Variants in CBLN3 observed in about 807,000 individuals in gnomAD.
The protein encoded by CBLN3 is cerebellin-3.
Under a neutral mutation model 17.4 loss-of-function variants are expected in CBLN3, and 14 were observed. That is an observed-to-expected ratio of 0.81 (90% CI 0.53 to 1.26). CBLN3 has a LOEUF of 1.26. Ranked by LOEUF, CBLN3 falls within the 50% of genes most tolerant of loss-of-function variation. The probability of loss-of-function intolerance (pLI) is 0.00; values close to 1 mark genes in which losing one functional copy is unlikely to be tolerated. For missense variants in CBLN3, 263 were observed against 268.5 expected, an observed-to-expected ratio of 0.98 and a Z score of 0.14; for synonymous variants, 129 against 117.4, an observed-to-expected ratio of 1.10 and a Z score of -0.64.
In CBLN3 at chr14:24,427,785, G is replaced by A. The variant is rs2043034405; in HGVS notation, c.*4C>T. ...GGATTCTTGTGCTTGAAAGACTTGG[G>A]TCCTCAGAGAGGGAAGATGAGGAAG... On this transcript the variant is annotated 3_prime_UTR_variant, in exon 3 of 3. Transcript: ENST00000267406. The surrounding 1 kb of genome is among the most constrained non-coding windows in gnomAD (Gnocchi z 4.4). The A allele has an allele frequency of 1.9e-6, 3 of 1,613,440 alleles. No individual in the cohort carries two copies. The highest frequency in any genetic ancestry group is 2.5e-6 in the Non-Finnish European group (3 of 1,179,396).
At position 24,429,215 on chromosome 14, in the gene CBLN3, C is replaced by T; in HGVS notation, c.-161G>A. The T allele has an allele frequency of 1.4e-6, 1 of 725,646 alleles. No homozygotes were observed. The highest frequency in any genetic ancestry group is 2.8e-5 in the Admixed American group (1 of 36,124). 45.0% of individuals were successfully genotyped at this position (725,646 alleles called of 1,614,324 possible). A position where few individuals can be genotyped will look rare whatever the true frequency, so the allele number is the denominator to read the frequency against. ...TGTGTCCCAGCTCTGTCCTGCCTCC[C>T]ACTCTTACTCCTGCTGTCACTGCAG... On this transcript the variant is annotated 5_prime_UTR_variant, in exon 1 of 3. Transcript: ENST00000267406.
rs1480058531 is a variant in CBLN3, at chr14:24,428,293, G to A, written c.413C>T (p.Thr138Ile). The A allele has an allele frequency of 6.2e-7, 1 of 1,613,874 alleles. No homozygotes were observed. Among genetic ancestry groups the A allele is most frequent in the Admixed American group, 1.7e-5 (1 of 60,026 alleles). The change falls in exon 2 of 3, where the codon ACT becomes ATT. Residue 138 changes from threonine to isoleucine, a missense_variant. By Grantham distance (89) the Thr-to-Ile change is moderately conservative (BLOSUM62 -1). Coordinates refer to ENST00000267406, the MANE Select transcript of CBLN3 (RefSeq NM_001039771.3). ...GGCCAGTGCTGAGGTCACCTGGACA[G>A]TTTGGCGGTTGTACACCTTCACCAC... ...FHVVKVYNRQ[T>I]VQVSLMLNTW... is the part of the protein sequence containing the mutation.
At position 24,429,009 on chromosome 14, in the gene CBLN3, G is replaced by A; in HGVS notation, c.46C>T (p.Pro16Ser). ...PHWLPGPLHS[P>S]GLPLVLVLLA... ...AGCACCAGAACCAAGGGCAGCCCGG[G>A]ACTGTGTAGGGGACCTGGTAGCCAG... Residue 16 changes from proline (P) to serine (S), a missense_variant, in exon 1 of 3, where the codon CCC becomes TCC. Transcript: ENST00000267406. 6.5e-7 allele frequency: 1 copy of A among 1,546,408 alleles called. No homozygotes were observed. Among genetic ancestry groups the A allele is most frequent in the Non-Finnish European group, 8.7e-7 (1 of 1,144,162 alleles).
intron 1 of CBLN3, 152 bp from the exon 2 acceptor site, chr14:24,428,557 A>C: frequency 8.8e-7 from 1 of 1,131,852 alleles, no homozygotes. Flanking sequence ...AAATGGTGAG[A>C]AGGGGCAAGG....
At position 24,429,577 on chromosome 14, in the gene CBLN3, G is replaced by A. The variant is rs2043066360; in HGVS notation, c.-523C>T. On this transcript the variant is annotated 5_prime_UTR_variant, in exon 1 of 3. Coordinates refer to ENST00000267406, the MANE Select transcript of CBLN3 (RefSeq NM_001039771.3). ...GGAAGAAAGGGGTACTCCACCACGG[G>A]TACCCTCCGCCTCCCGCCTCCCGCC... 1 of 603,788 alleles carries A rather than the reference G, an allele frequency of 1.7e-6. No individual in the cohort carries two copies. Among genetic ancestry groups the A allele is most frequent in the African/African-American group, 2.0e-5 (1 of 49,806 alleles). 37.4% of individuals were successfully genotyped at this position (603,788 alleles called of 1,614,324 possible).
chr14:24,428,790 C>T lies in CBLN3; in HGVS notation c.265G>A (p.Gly89Ser), dbSNP rs199897938. Reference sequence around the variant, plus strand: ...TAGATGGCCCCACTGGTGCCATTGCCGGTTTCCCCTGCTGGCTCATGGTGG... The same window carrying T: ...TAGATGGCCCCACTGGTGCCATTGCTGGTTTCCCCTGCTGGCTCATGGTGG... Reference protein sequence around the residue: ...SHHHEPAGETGNGTSGAIYFD... With the variant: ...SHHHEPAGETSNGTSGAIYFD... Residue 89 changes from glycine (G) to serine (S), a missense_variant, in exon 1 of 3, where the codon GGC becomes AGC. Gly to Ser is a moderately conservative substitution (Grantham distance 56). Transcript: ENST00000267406. 158 of 1,605,934 alleles carry T rather than the reference C, an allele frequency of 9.8e-5. No homozygotes were observed. The Admixed American group carries it at 2.0e-3, about 20-fold the overall frequency.
chr14:24,428,147 C>A, intron 2 of CBLN3, 139 bp downstream of exon 2: 1 of 1,359,144 alleles, frequency 7.4e-7, no homozygotes, highest in Non-Finnish European at 1.0e-6. Flanking sequence ...ACACTCAATG[C>A]AAGGCAGGCC....
At position 24,428,929 on chromosome 14, in the gene CBLN3, C is replaced by T. The variant is rs57646536; in HGVS notation, c.126G>A (p.Glu42=). The change falls in exon 1 of 3, where the codon GAG becomes GAA. Residue 42 remains glutamate (E), a synonymous_variant. Coordinates refer to ENST00000267406, the MANE Select transcript of CBLN3 (RefSeq NM_001039771.3). ...AQEGSEPVLL[E]GECLVVCEPG... ...GCTCACAGACCACCAGGCACTCCCC[C>T]TCCAGCAGGACGGGCTCTGACCCCT... 14,598 of 1,558,952 alleles carry T rather than the reference C, an allele frequency of 9.4e-3. 1,170 individuals carry two copies. In the African/African-American group the frequency reaches 0.17, roughly 18 times the overall value.
At position 24,427,797 on chromosome 14, in the gene CBLN3, G is replaced by A. The variant is rs1171450271; in HGVS notation, c.610C>T (p.Pro204Ser). The change falls in exon 3 of 3, where the codon CCT becomes TCT. Residue 204 changes from proline (P) to serine (S), a missense_variant. Transcript: ENST00000267406. The surrounding 1 kb of genome is among the most constrained non-coding windows in gnomAD (Gnocchi z 4.4). Reference protein sequence around the residue: ...YSSFSGFLIFPL With the variant: ...YSSFSGFLIFSL ...TTGAAAGACTTGGGTCCTCAGAGAG[G>A]GAAGATGAGGAAGCCAGAGAAACTT... 3 of 1,613,858 alleles carry A rather than the reference G, an allele frequency of 1.9e-6. No homozygotes were observed. Among genetic ancestry groups the A allele is most frequent in the Non-Finnish European group, 2.5e-6 (3 of 1,179,888 alleles).
chr14:24,429,448 T>A lies in CBLN3; in HGVS notation c.-394A>T, dbSNP rs771084772. 1 of 502,928 alleles carries A rather than the reference T, an allele frequency of 2.0e-6. No individual in the cohort carries two copies. The highest frequency in any genetic ancestry group is 1.5e-5 in the South Asian group (1 of 64,970). The allele number at this position is 502,928 out of a possible 1,614,324, so 31.2% of individuals were successfully genotyped here. ...GGGTGTGACAGAATGTGTGAGTGTGTGCATATGCCAGAGGCAGCCCCTCAA... is the reference window on the plus strand; with the variant it reads ...GGGTGTGACAGAATGTGTGAGTGTGAGCATATGCCAGAGGCAGCCCCTCAA... On this transcript the variant is annotated 5_prime_UTR_variant, in exon 1 of 3. Transcript: ENST00000267406.
At chr14:24,428,029 G>A in intron 2 of CBLN3, 43 bp from the exon 3 acceptor site, 1 of 1,574,178 alleles carries the variant, frequency 6.4e-7, no homozygotes, top group Non-Finnish European at 8.6e-7. Flanking sequence ...CCAGCCCTTA[G>A]CTCAGGACCC....
Position 24,428,876 on chromosome 14 carries a change from C to T in CBLN3, c.179G>A (p.Gly60Glu), listed in dbSNP as rs772464184. 1 of 1,603,928 alleles carries T rather than the reference C, an allele frequency of 6.2e-7. No individual in the cohort carries two copies. Among genetic ancestry groups the T allele is most frequent in the Admixed American group, 1.7e-5 (1 of 58,456 alleles). ...GGGTGCCTCTCCCAGGGCTGCTCCC[C>T]CGGGCCCCCCTGCAGCAGCTCGGCC... ...EPGRAAAGGP[G>E]GAALGEAPPG... The change falls in exon 1 of 3, where the codon GGG (glycine) becomes GAG (glutamate). Residue 60 changes from glycine (G) to glutamate (E), a missense_variant. Coordinates refer to ENST00000267406, the MANE Select transcript of CBLN3 (RefSeq NM_001039771.3).
chr14:24,429,128 T>A lies in CBLN3; in HGVS notation c.-74A>T. 7.0e-7 allele frequency: 1 copy of A among 1,428,000 alleles called. No homozygotes were observed. The highest frequency in any genetic ancestry group is 9.3e-7 in the Non-Finnish European group (1 of 1,075,944). The allele number at this position is 1,428,000 out of a possible 1,614,324, so 88.5% of individuals were successfully genotyped here. A position where few individuals can be genotyped will look rare whatever the true frequency, so the allele number is the denominator to read the frequency against. On this transcript the variant is annotated 5_prime_UTR_variant, in exon 1 of 3. Coordinates refer to ENST00000267406, the MANE Select transcript of CBLN3 (RefSeq NM_001039771.3). Reference sequence around the variant, plus strand: ...TCTGTTTCCGCTCCTCTCCCTGGATTCTCACCGCCGGCACCCTGATCGTCT... The same window carrying A: ...TCTGTTTCCGCTCCTCTCCCTGGATACTCACCGCCGGCACCCTGATCGTCT...
Position 24,428,801 on chromosome 14 carries a change from G to T in CBLN3, c.254C>A (p.Ala85Glu), listed in dbSNP as rs771464590. The part of the protein sequence containing the change: ...AAVRSHHHEP[A>E]GETGNGTSGA... ...ACTGGTGCCATTGCCGGTTTCCCCT[G>T]CTGGCTCATGGTGGTGGCTTCGGAC... Residue 85 changes from alanine (A) to glutamate (E), a missense_variant, in exon 1 of 3, where the codon GCA (alanine) becomes GAA (glutamate). Coordinates refer to ENST00000267406, the MANE Select transcript of CBLN3 (RefSeq NM_001039771.3). 8.1e-6 allele frequency: 13 copies of T among 1,609,514 alleles called. No homozygotes were observed. Among genetic ancestry groups the T allele is most frequent in the Non-Finnish European group, 1.1e-5 (13 of 1,177,020 alleles).
Position 24,429,413 on chromosome 14 carries a change from T to C in CBLN3, c.-359A>G. ...CTGGGGGGATGGAGAACATGGTATG[T>C]GTGTGTGACGGGTGTGACAGAATGT... On this transcript the variant is annotated 5_prime_UTR_variant, in exon 1 of 3. Transcript: ENST00000267406. 1.8e-6 allele frequency: 1 copy of C among 555,712 alleles called. No individual in the cohort carries two copies. Among genetic ancestry groups the C allele is most frequent in the Non-Finnish European group, 3.4e-6 (1 of 291,962 alleles). The allele number at this position is 555,712 out of a possible 1,614,324, so 34.4% of individuals were successfully genotyped here.
rs1566492895 is a variant in CBLN3 at position 24,427,825 on chromosome 14, G to A, written c.582C>T (p.Tyr194=). Residue 194 remains tyrosine (Y), a synonymous_variant, in exon 3 of 3, where the codon TAC becomes TAT. Coordinates refer to ENST00000267406, the MANE Select transcript of CBLN3 (RefSeq NM_001039771.3). The surrounding 1 kb of genome is among the most constrained non-coding windows in gnomAD (Gnocchi z 4.4). The part of the protein sequence containing the change: ...RRGNLLGGWK[Y]SSFSGFLIFP... Reference sequence around the variant, plus strand: ...AGATGAGGAAGCCAGAGAAACTTGAGTATTTCCAACCACCCAGTAGATTCC... The same window carrying A: ...AGATGAGGAAGCCAGAGAAACTTGAATATTTCCAACCACCCAGTAGATTCC... The A allele has an allele frequency of 1.9e-6, 3 of 1,614,148 alleles. No homozygotes were observed. Among genetic ancestry groups the A allele is most frequent in the Non-Finnish European group, 2.5e-6 (3 of 1,180,012 alleles).
chr14:24,428,269 G>A lies in CBLN3; in HGVS notation c.420+17C>T, dbSNP rs1269541455. 1.9e-6 allele frequency: 3 copies of A among 1,612,838 alleles called. No individual in the cohort carries two copies. The highest frequency in any genetic ancestry group is 2.5e-6 in the Non-Finnish European group (3 of 1,179,722). On this transcript the variant is annotated intron_variant, in intron 2 of 2. Coordinates refer to ENST00000267406, the MANE Select transcript of CBLN3 (RefSeq NM_001039771.3). ...CCACCCTCCTGAGCCGGGGATGGGG[G>A]CCAGTGCTGAGGTCACCTGGACAGT...
At chr14:24,428,076 T>C (rs1474054601) in intron 2 of CBLN3, 90 bp from the exon 3 acceptor site, 27 of 1,427,958 alleles carry the variant, frequency 1.9e-5, no homozygotes, top group Non-Finnish European at 2.6e-5. Flanking sequence ...GGAAGCTGGG[T>C]TTTAATGGGC....
chr14:24,428,062 C>T, intron 2 of CBLN3, 76 bp from the exon 3 acceptor site: 1 of 1,485,424 alleles, frequency 6.7e-7, no homozygotes, highest in Non-Finnish European at 9.2e-7. Context: ...GGAGCTTCCT[C>T]TTGGGAAGCT....
Sources: gnomAD v4.1 joint callset for allele counts on GRCh38, gnomAD v4.1.1 for gene constraint, Gnocchi (gnomAD v3.1) non-coding constraint, MANE v1.5 for transcripts, NCBI Gene and HGNC (gene_info 2026-07-23, HGNC 2026-07-21) for gene names.